SLFN12L: variants seen among roughly 807,000 people sequenced by gnomAD.
The protein encoded by SLFN12L is schlafen family member 12 like.
In SLFN12L, 34 loss-of-function variants were observed where a neutral mutation model predicts 34.8. The ratio of observed to expected loss-of-function variants is 0.98; its 90% CI spans 0.74 to 1.30. The LOEUF (loss-of-function observed/expected upper bound fraction) is 1.30. SLFN12L is among the 50% of genes most tolerant of loss of function. SLFN12L has a pLI of 0.00. For synonymous variants in SLFN12L, 259 were observed against 247.5 expected (o/e 1.05, Z -0.44); for missense variants, 703 against 696.2 (o/e 1.01, Z -0.11).
rs1169851020 is a variant in SLFN12L at position 35,472,649 on chromosome 17, A to T, written c.*2274T>A. Among the ~76,000 whole-genome samples, 1 of 151,846 alleles carries T rather than the reference A, an allele frequency of 6.6e-6. No homozygotes were observed. The highest frequency in any genetic ancestry group is 2.4e-5 in the African/African-American group (1 of 41,396). On this transcript the variant is annotated 3_prime_UTR_variant, in exon 5 of 5. Transcript: ENST00000628453. ...TTGATTCCATATGAAATTTAATTTC[A>T]TTTAATTCTGATTTGATTCCATATG...
chr17:35,484,602 C>A (rs1333231848), intron 2 of SLFN12L, among the ~76,000 whole-genome samples: 1 of 152,138 alleles, frequency 6.6e-6, no homozygotes, highest in Non-Finnish European at 1.5e-5. Flanking sequence ...CTCAATGGCC[C>A]TTCACCCAAG....
chr17:35,477,995 T>A, intron 4 of SLFN12L, 80 bp downstream of exon 4: 1 of 839,060 alleles, frequency 1.2e-6, no homozygotes, highest in Non-Finnish European at 1.9e-6. Flanking sequence ...ATAACAAATA[T>A]CAAGACAGAG....
At chr17:35,507,769 T>A (rs539183016) in intron 2 of SLFN12L, among the ~76,000 whole-genome samples, 1 of 152,214 alleles carries the variant, frequency 6.6e-6, no homozygotes, top group Non-Finnish European at 1.5e-5. Flanking sequence ...AAAAGCTTCA[T>A]CACTACCTTA....
chr17:35,519,204 G>A (rs752223994), intron 2 of SLFN12L, among the ~76,000 whole-genome samples: 1 of 152,138 alleles, frequency 6.6e-6, no homozygotes, highest in Non-Finnish European at 1.5e-5. Flanking sequence ...AGGGGGGCAA[G>A]GAGAGGGAGA....
intron 1 of SLFN12L, among the ~76,000 whole-genome samples, chr17:35,530,117 CTTTTT>C (rs35836415): frequency 1.8e-5 from 2 of 109,460 alleles, no homozygotes; most frequent in South Asian, 3.1e-4. Context: ...ACTGCTTTGT[CTTTTT>C]TTTTTTTTTT....
chr17:35,522,805 G>T lies in SLFN12L; in HGVS notation c.-441C>A, dbSNP rs958465990. On this transcript the variant is annotated 5_prime_UTR_variant, in exon 2 of 5. Transcript: ENST00000628453. ...AGCAGAGCATCACAGATGACTCCTG[G>T]CTTCTCCTGCAAATTCAGGTCCACA... The T allele has an allele frequency of 4.0e-6, 6 of 1,488,052 alleles. No homozygotes were observed. The Admixed American group carries it at 1.1e-4, about 27-fold the overall frequency. 92.2% of individuals were successfully genotyped at this position (1,488,052 alleles called of 1,614,324 possible).
chr17:35,530,197 A>T (rs2072377886), intron 1 of SLFN12L, among the ~76,000 whole-genome samples: 1 of 147,870 alleles, frequency 6.8e-6, no homozygotes, highest in South Asian at 2.2e-4. Flanking sequence ...AATACAAAAA[A>T]TTAGTCAGGC....
chr17:35,511,925 GT>G (rs948553636), intron 2 of SLFN12L, among the ~76,000 whole-genome samples: 8 of 151,944 alleles, frequency 5.3e-5, no homozygotes, highest in Admixed American at 1.3e-4. Flanking sequence ...CACTTCCAAA[GT>G]TTTTTTTGTA....
At chr17:35,526,954 A>G (rs2072341637) in intron 1 of SLFN12L, among the ~76,000 whole-genome samples, 1 of 152,164 alleles carries the variant, frequency 6.6e-6, no homozygotes. Context: ...AGATAGATAG[A>G]CTACTACCGA....
In SLFN12L at chr17:35,474,694, G is replaced by T. The variant is rs1325521721; in HGVS notation, c.*229C>A. 12 of 376,078 alleles carry T rather than the reference G, an allele frequency of 3.2e-5. No individual in the cohort carries two copies. Among genetic ancestry groups the T allele is most frequent in the East Asian group, 5.4e-5 (1 of 18,564 alleles). 23.3% of individuals were successfully genotyped at this position (376,078 alleles called of 1,614,324 possible). A position where few individuals can be genotyped will look rare whatever the true frequency, so the allele number is the denominator to read the frequency against. On this transcript the variant is annotated 3_prime_UTR_variant, in exon 5 of 5. Transcript: ENST00000628453. ...CCTAGCACTTTGGGAGACCGGGGGG[G>T]GGGGTTGAATCACGAGGTCAGGAGT...
At chr17:35,520,312 C>A (rs560422009) in intron 2 of SLFN12L, among the ~76,000 whole-genome samples, 1 of 152,254 alleles carries the variant, frequency 6.6e-6, no homozygotes, top group African/African-American at 2.4e-5. Flanking sequence ...GACCACCAAC[C>A]ATGGACTGCT....
At chr17:35,525,735 G>C (rs1385118624) in intron 1 of SLFN12L, among the ~76,000 whole-genome samples, 2 of 152,080 alleles carry the variant, frequency 1.3e-5, no homozygotes, top group Non-Finnish European at 2.9e-5. Flanking sequence ...AGGAACAACT[G>C]GTACCAGCCA....
chr17:35,487,987 T>A, intron 2 of SLFN12L: 1 of 669,298 alleles, frequency 1.5e-6, no homozygotes, highest in Non-Finnish European at 2.7e-6. Context: ...GGAGGGTGGA[T>A]CACCAGCTTA....
chr17:35,523,470 T>A (rs1446309472), intron 1 of SLFN12L, among the ~76,000 whole-genome samples: 2 of 152,188 alleles, frequency 1.3e-5, no homozygotes, highest in African/African-American at 4.8e-5. Flanking sequence ...GGCAGTTAAT[T>A]TTCTTCAGTC....
At chr17:35,493,356 C>T (rs996205416) in intron 2 of SLFN12L, among the ~76,000 whole-genome samples, 1 of 152,158 alleles carries the variant, frequency 6.6e-6, no homozygotes, top group African/African-American at 2.4e-5. Flanking sequence ...AAATTTATAT[C>T]ATCTGGTTAG....
At chr17:35,527,697 G>A (rs1305684137) in intron 1 of SLFN12L, among the ~76,000 whole-genome samples, 2 of 152,074 alleles carry the variant, frequency 1.3e-5, no homozygotes, top group East Asian at 1.9e-4. Flanking sequence ...TCGATGGAAC[G>A]TACCTCAAAA....
Position 35,466,939 on chromosome 17 carries a change from G to T in SLFN12L, c.*7984C>A, listed in dbSNP as rs373816668. 6.6e-6 allele frequency among the ~76,000 whole-genome samples: 1 copy of T among 152,140 alleles called. No homozygotes were observed. Among genetic ancestry groups the T allele is most frequent in the African/African-American group, 2.4e-5 (1 of 41,436 alleles). On this transcript the variant is annotated 3_prime_UTR_variant, in exon 5 of 5. Transcript: ENST00000628453. ...CTGAGTCTGTGACCCTCCATACCTG[G>T]CTACCTGTTATGCTTTCAGTCATGG... is the stretch of plus-strand genomic sequence containing the variant.
intron 2 of SLFN12L, among the ~76,000 whole-genome samples, chr17:35,481,140 C>A (rs776117819): frequency 3.9e-5 from 6 of 152,240 alleles, no homozygotes; most frequent in Non-Finnish European, 7.3e-5. Context: ...CCTGGCCTAG[C>A]GGTAACACCA....
intron 2 of SLFN12L, among the ~76,000 whole-genome samples, chr17:35,513,748 C>T (rs936029378): frequency 5.9e-5 from 9 of 152,158 alleles, no homozygotes; most frequent in African/African-American, 1.7e-4. Flanking sequence ...TTAGGAGGTA[C>T]ATTGAAGATA....
Sources: allele counts gnomAD v4.1 joint callset (sites outside exome capture counted in the v4.1 genomes callset), GRCh38; gene constraint gnomAD v4.1.1; transcripts MANE v1.5; gene names NCBI Gene and HGNC (gene_info 2026-07-23, HGNC 2026-07-21).